ZNF423: variants seen among roughly 807,000 people sequenced by gnomAD.
ZNF423 encodes zinc finger protein 423, also known as Ebf-associated zinc finger protein.
Under a neutral mutation model 95.8 loss-of-function variants are expected in ZNF423, and 12 were observed. The observed-to-expected ratio is 0.13, with a 90% CI of 0.08 to 0.20. The LOEUF is 0.20. Ranked by LOEUF, ZNF423 falls within the 10% of genes least tolerant of loss-of-function variation. The probability of loss-of-function intolerance (pLI) is 1.00; values close to 1 mark genes in which losing one functional copy is unlikely to be tolerated. For missense variants in ZNF423, 1,316 were observed against 1,737.1 expected (o/e 0.76, Z 4.31); for synonymous variants, 749 against 711.9 (o/e 1.05, Z -0.83).
chr16:49,518,050 C>T (rs2151695313), intron 7 of ZNF423: 1 of 452,150 alleles, frequency 2.2e-6, no homozygotes, highest in South Asian at 1.6e-5. Flanking sequence ...ATTGGCGGCT[C>T]ACAATCTGGA....
At position 49,762,502 on chromosome 16, in the gene ZNF423, G is replaced by A. The variant is rs74639466; in HGVS notation, c.100+26985C>T. Among the ~76,000 whole-genome samples, 261 of 152,332 alleles carry A rather than the reference G, an allele frequency of 1.7e-3. 4 individuals carry two copies. The East Asian group carries it at 0.041, about 24-fold the overall frequency. On this transcript the variant is annotated intron_variant, in intron 2 of 7. Transcript: ENST00000563137. ...GTGAGCCAGGAATGACCATGTCTGT[G>A]TCTAGACAAGAGGACTAATGTTCAT... is the stretch of plus-strand genomic sequence containing the variant.
rs1966940483 is a variant in ZNF423, at chr16:49,491,145, C to A, written c.*130G>T. ...CCAGCTGCTTATAATAGCAGCGCCTCATGGCCAAATCATTAGAGTTTTACA... is the reference window on the plus strand; with the variant it reads ...CCAGCTGCTTATAATAGCAGCGCCTAATGGCCAAATCATTAGAGTTTTACA... On this transcript the variant is annotated 3_prime_UTR_variant, in exon 8 of 8. Coordinates refer to ENST00000563137, the MANE Select transcript of ZNF423 (RefSeq NM_001379286.1). The A allele has an allele frequency of 2.8e-6, 3 of 1,087,086 alleles. No individual in the cohort carries two copies. The highest frequency in any genetic ancestry group is 2.8e-6 in the Non-Finnish European group (2 of 706,700). The allele number at this position is 1,087,086 out of a possible 1,614,324, so 67.3% of individuals were successfully genotyped here. A position where few individuals can be genotyped will look rare whatever the true frequency, so the allele number is the denominator to read the frequency against.
chr16:49,647,098 T>C (rs1973205082), intron 3 of ZNF423, among the ~76,000 whole-genome samples: 1 of 152,198 alleles, frequency 6.6e-6, no homozygotes, highest in Non-Finnish European at 1.5e-5. Flanking sequence ...CTGGAGCCAG[T>C]CCAAGGCCCA....
At chr16:49,814,881 G>A (rs899750979) in intron 1 of ZNF423, among the ~76,000 whole-genome samples, 11 of 152,184 alleles carry the variant, frequency 7.2e-5, no homozygotes, top group East Asian at 5.8e-4. Flanking sequence ...CCAGCAAGAC[G>A]GAGGCGACAG....
intron 2 of ZNF423, among the ~76,000 whole-genome samples, chr16:49,769,292 T>C (rs142636735): frequency 0.026 from 3,813 of 148,268 alleles, 157 homozygotes; most frequent in African/African-American, 0.09. Flanking sequence ...GAGGTGGAGG[T>C]TGCAGTGAGC....
intron 2 of ZNF423, among the ~76,000 whole-genome samples, chr16:49,757,678 G>A (rs957804236): frequency 8.5e-5 from 13 of 152,158 alleles, no homozygotes; most frequent in Admixed American, 7.2e-4. Flanking sequence ...TGAGGAGCCC[G>A]GCTCAGCAGG....
At chr16:49,543,141 T>C (rs1400645857) in intron 5 of ZNF423, among the ~76,000 whole-genome samples, 1 of 152,182 alleles carries the variant, frequency 6.6e-6, no homozygotes, top group African/African-American at 2.4e-5. Flanking sequence ...ACGCCAGTAT[T>C]TTATAAGCTT....
At chr16:49,766,206 G>C (rs2033925962) in intron 2 of ZNF423, among the ~76,000 whole-genome samples, 1 of 152,162 alleles carries the variant, frequency 6.6e-6, no homozygotes, top group South Asian at 2.1e-4. Context: ...TATTAACATA[G>C]GACCAAATGC....
At chr16:49,815,636 A>T (rs1051273840) in intron 1 of ZNF423, among the ~76,000 whole-genome samples, 4 of 151,906 alleles carry the variant, frequency 2.6e-5, no homozygotes, top group Non-Finnish European at 4.4e-5. Context: ...GGCAACCTTG[A>T]GGCCTTCAGG....
At chr16:49,668,624 G>C (rs1393292940) in intron 3 of ZNF423, among the ~76,000 whole-genome samples, 4 of 152,204 alleles carry the variant, frequency 2.6e-5, no homozygotes, top group East Asian at 1.9e-4. Context: ...TACAGGGAAG[G>C]TGGCAGGAGG....
intron 1 of ZNF423, among the ~76,000 whole-genome samples, chr16:49,808,011 C>T (rs1428004012): frequency 6.6e-6 from 1 of 152,142 alleles, no homozygotes; most frequent in Non-Finnish European, 1.5e-5. Context: ...CCCTAAGCAG[C>T]GTTACTCAAG....
At chr16:49,802,824 A>G (rs1056292127) in intron 1 of ZNF423, among the ~76,000 whole-genome samples, 1 of 152,262 alleles carries the variant, frequency 6.6e-6, no homozygotes, top group Non-Finnish European at 1.5e-5. Context: ...TAGGGAATAC[A>G]TGTGAGTTAA....
In ZNF423 at chr16:49,490,998, AG is replaced by A; in HGVS notation, c.*276del. On this transcript the variant is annotated 3_prime_UTR_variant, in exon 8 of 8. Coordinates refer to ENST00000563137, the MANE Select transcript of ZNF423 (RefSeq NM_001379286.1). ...ACAAAGGACAATAGCCTTAAAAAGC[AG>A]GTTTCTCTAACTCTAGAAATGTAGT... is the stretch of plus-strand genomic sequence containing the variant. 5 of 460,090 alleles carry A rather than the reference AG, an allele frequency of 1.1e-5. No individual in the cohort carries two copies. The highest frequency in any genetic ancestry group is 2.0e-5 in the Non-Finnish European group (5 of 254,894). 28.5% of individuals were successfully genotyped at this position (460,090 alleles called of 1,614,324 possible). A position where few individuals can be genotyped will look rare whatever the true frequency, so the allele number is the denominator to read the frequency against.
At chr16:49,702,909 G>GCACACACACACA (rs66522223) in intron 3 of ZNF423, among the ~76,000 whole-genome samples, 1 of 147,534 alleles carries the variant, frequency 6.8e-6, no homozygotes, top group Non-Finnish European at 1.5e-5. Flanking sequence ...GTGTGCACAC[G>GCACACACACACA]CACACACACA....
chr16:49,562,119 A>G (rs1392893929), intron 5 of ZNF423, among the ~76,000 whole-genome samples: 1 of 152,242 alleles, frequency 6.6e-6, no homozygotes, highest in African/African-American at 2.4e-5. Context: ...ACATCCCTAT[A>G]TAGTCTCCCC....
chr16:49,689,435 G>C (rs1013962219), intron 3 of ZNF423, among the ~76,000 whole-genome samples: 36 of 152,036 alleles, frequency 2.4e-4, no homozygotes, highest in African/African-American at 8.7e-4. Flanking sequence ...CTCGGCGACA[G>C]AGAGAGAGAC....
intron 1 of ZNF423, among the ~76,000 whole-genome samples, chr16:49,815,915 T>TATATATATATA (rs1491270483): frequency 7.0e-4 from 15 of 21,436 alleles, no homozygotes; most frequent in Admixed American, 3.1e-3. Flanking sequence ...TATATATATA[T>TATATATATATA]TTTTTTTTTT....
At chr16:49,553,320 T>TTA (rs1000369698) in intron 5 of ZNF423, among the ~76,000 whole-genome samples, 45 of 151,866 alleles carry the variant, frequency 3.0e-4, no homozygotes, top group East Asian at 2.1e-3. Flanking sequence ...ACATTATAAT[T>TTA]TATATATATA....
intron 1 of ZNF423, among the ~76,000 whole-genome samples, chr16:49,842,705 G>A (rs1056512983): frequency 3.3e-5 from 5 of 152,176 alleles, no homozygotes; most frequent in East Asian, 1.9e-4. Context: ...GCTGGGCGCC[G>A]TAGCTCACGC....
Sources: gnomAD v4.1 joint callset for allele counts (sites outside exome capture counted in the v4.1 genomes callset) on GRCh38, gnomAD v4.1.1 for gene constraint, MANE v1.5 for transcripts, NCBI Gene and HGNC (gene_info 2026-07-23, HGNC 2026-07-21) for gene names.